SMOC2: variants seen among roughly 807,000 people sequenced by gnomAD.
SMOC2 encodes the protein SPARC-related modular calcium-binding protein 2.
In SMOC2, 39 loss-of-function variants were observed where a neutral mutation model predicts 61.4. The ratio of observed to expected loss-of-function variants is 0.64; its 90% CI spans 0.49 to 0.83. SMOC2 has a LOEUF of 0.83. SMOC2 is among the 40% of genes least tolerant of loss of function. The pLI is 0.00. For missense variants in SMOC2, 556 were observed against 592.9 expected (o/e 0.94, Z 0.65); for synonymous variants, 247 against 239.9 (o/e 1.03, Z -0.27).
chr6:168,441,578 G>T, intron 1 of SMOC2, 124 bp downstream of exon 1: 1 of 1,288,322 alleles, frequency 7.8e-7, no homozygotes, highest in African/African-American at 1.6e-5. Context: ...TGGCCCCGGG[G>T]GCCGTGGAGC....
intron 7 of SMOC2, among the ~76,000 whole-genome samples, chr6:168,554,799 G>A (rs1033796413): frequency 6.6e-6 from 1 of 152,230 alleles, no homozygotes; most frequent in Non-Finnish European, 1.5e-5. Context: ...GCCACGTGGG[G>A]AGATGGTCAG....
chr6:168,647,524 C>G (rs912823043), intron 9 of SMOC2, among the ~76,000 whole-genome samples: 4 of 152,210 alleles, frequency 2.6e-5, no homozygotes, highest in Non-Finnish European at 5.9e-5. Context: ...ATCACCGTGC[C>G]GGACACAGCT....
chr6:168,453,214 G>A lies in SMOC2; in HGVS notation c.84+11760G>A, dbSNP rs1781504180. On this transcript the variant is annotated intron_variant, in intron 1 of 12. Transcript: ENST00000356284. This position sits in a 1 kb window ranked among gnomAD's most constrained non-coding sequence, Gnocchi z 4.4. The stretch of plus-strand genomic sequence containing the variant: ...GGGTGGCCTGACAAATGCGGGCGGG[G>A]GTGGGGGAGGAACTCGGGACCCAGG... Among the ~76,000 whole-genome samples, 1 of 152,044 alleles carries A rather than the reference G, an allele frequency of 6.6e-6. No individual in the cohort carries two copies. Among genetic ancestry groups the A allele is most frequent in the Non-Finnish European group, 1.5e-5 (1 of 68,008 alleles).
intron 9 of SMOC2, among the ~76,000 whole-genome samples, chr6:168,609,567 CT>C (rs1785800159): frequency 6.6e-6 from 1 of 152,172 alleles, no homozygotes; most frequent in Non-Finnish European, 1.5e-5. Flanking sequence ...TTCCATCCCC[CT>C]GATGGCCCTG....
At chr6:168,481,537 A>G (rs571270422) in intron 1 of SMOC2, among the ~76,000 whole-genome samples, 1 of 152,184 alleles carries the variant, frequency 6.6e-6, no homozygotes, top group South Asian at 2.1e-4. Context: ...GAAGTGAGAA[A>G]GAAATTTAAA....
At chr6:168,549,474 GAGAAA>G (rs542048321) in intron 7 of SMOC2, among the ~76,000 whole-genome samples, 133 of 152,174 alleles carry the variant, frequency 8.7e-4, no homozygotes, top group Non-Finnish European at 1.6e-3. Context: ...TACAAAAATA[GAGAAA>G]AGAAAATTTA....
Position 168,526,348 on chromosome 6 carries a change from G to T in SMOC2, c.259G>T (p.Val87Leu). 1.2e-6 allele frequency: 2 copies of T among 1,613,856 alleles called. No individual in the cohort carries two copies. The highest frequency in any genetic ancestry group is 8.5e-7 in the Non-Finnish European group (1 of 1,179,746). The part of the protein sequence containing the change: ...EIAYRGNCKD[V>L]SRCVAERKYT... ...CTCTGCCCTGTTCTTCCCTACAGAC[G>T]TGTCCAGGTGTGTGGCCGAAAGGAA... Residue 87 changes from valine to leucine, a missense_variant and splice_region_variant, in exon 3 of 13, where the codon GTG becomes TTG. Coordinates refer to ENST00000356284, the MANE Select transcript of SMOC2 (RefSeq NM_001166412.2).
Position 168,666,974 on chromosome 6 carries a change from T to C in SMOC2, c.*536T>C, listed in dbSNP as rs1787677614. Reference sequence around the variant, plus strand: ...CCAGAGATCTTGCTCATACAATGAATCACGCAACCACTAAAGCTATCCAGT... The same window carrying C: ...CCAGAGATCTTGCTCATACAATGAACCACGCAACCACTAAAGCTATCCAGT... On this transcript the variant is annotated 3_prime_UTR_variant, in exon 13 of 13. Transcript: ENST00000356284. 6.5e-6 allele frequency: 1 copy of C among 153,006 alleles called. No individual in the cohort carries two copies. Among genetic ancestry groups the C allele is most frequent in the Non-Finnish European group, 1.5e-5 (1 of 68,602 alleles). The allele number at this position is 153,006 out of a possible 1,614,324, so 9.5% of individuals were successfully genotyped here.
intron 1 of SMOC2, among the ~76,000 whole-genome samples, chr6:168,479,653 C>T (rs1337655240): frequency 1.3e-5 from 2 of 152,230 alleles, no homozygotes; most frequent in East Asian, 3.8e-4. Flanking sequence ...GCACATGTTC[C>T]TGGAACAGGC....
chr6:168,551,536 C>T (rs1583102739), intron 7 of SMOC2, among the ~76,000 whole-genome samples: 1 of 152,094 alleles, frequency 6.6e-6, no homozygotes, highest in Admixed American at 6.5e-5. Context: ...TCACTGTAAC[C>T]TCCGCCTCCC....
chr6:168,605,233 G>A (rs975774417), intron 8 of SMOC2, among the ~76,000 whole-genome samples: 4 of 152,020 alleles, frequency 2.6e-5, no homozygotes, highest in African/African-American at 9.7e-5. Context: ...CTCTGTTCCT[G>A]GACCCCAGAG....
chr6:168,602,521 C>T lies in SMOC2; in HGVS notation c.824+3517C>T, dbSNP rs563438531. Among the ~76,000 whole-genome samples the T allele has an allele frequency of 2.6e-5, 4 of 152,288 alleles. No homozygotes were observed. The East Asian group carries it at 7.7e-4, about 29-fold the overall frequency. On this transcript the variant is annotated intron_variant, in intron 8 of 12. Coordinates refer to ENST00000356284, the MANE Select transcript of SMOC2 (RefSeq NM_001166412.2). ...TAATTGGCCGGAATATCACTGAACGCCCAGACCCAGACCTGCCTTGGACTG... is the reference window on the plus strand; with the variant it reads ...TAATTGGCCGGAATATCACTGAACGTCCAGACCCAGACCTGCCTTGGACTG...
At chr6:168,462,567 T>C (rs971451387) in intron 1 of SMOC2, among the ~76,000 whole-genome samples, 1 of 152,158 alleles carries the variant, frequency 6.6e-6, no homozygotes, top group African/African-American at 2.4e-5. Flanking sequence ...GGTGCTGGAA[T>C]TCCCAGATGT....
intron 1 of SMOC2, among the ~76,000 whole-genome samples, chr6:168,443,119 G>A (rs372041819): frequency 2.0e-5 from 3 of 152,218 alleles, no homozygotes; most frequent in African/African-American, 7.2e-5. Flanking sequence ...CAGGACTGTA[G>A]CAGCAGGTAC....
At chr6:168,477,581 T>C (rs1298374793) in intron 1 of SMOC2, among the ~76,000 whole-genome samples, 1 of 152,156 alleles carries the variant, frequency 6.6e-6, no homozygotes, top group Non-Finnish European at 1.5e-5. Context: ...ACAGCTCAAG[T>C]CCTAAACGGA....
At chr6:168,638,131 G>A (rs978930221) in intron 9 of SMOC2, among the ~76,000 whole-genome samples, 3 of 149,124 alleles carry the variant, frequency 2.0e-5, no homozygotes, top group African/African-American at 4.9e-5. Context: ...CCACACACTC[G>A]CTGGCCAGCC....
chr6:168,529,227 G>A (rs1410823349), intron 4 of SMOC2, among the ~76,000 whole-genome samples: 3 of 152,022 alleles, frequency 2.0e-5, no homozygotes, highest in African/African-American at 4.8e-5. Flanking sequence ...AACTGCCTAC[G>A]TGGAACGTTT....
Position 168,664,111 on chromosome 6 carries a change from GGTAA to G in SMOC2, c.1323+4_1323+7del. ...ATGCTGAAAGTACGTCTAATAGACA[GGTAA>G]GTATGTTTATATTTTACTCTTAACC... On this transcript the variant is annotated splice_donor_variant and splice_donor_region_variant and intron_variant, in intron 12 of 12. Transcript: ENST00000356284. LOFTEE classifies it high-confidence loss of function. 1.2e-6 allele frequency: 2 copies of G among 1,601,754 alleles called. No homozygotes were observed. Among genetic ancestry groups the G allele is most frequent in the East Asian group, 2.2e-5 (1 of 44,806 alleles).
chr6:168,645,119 G>T (rs1170690943), intron 9 of SMOC2, among the ~76,000 whole-genome samples: 1 of 152,160 alleles, frequency 6.6e-6, no homozygotes, highest in East Asian at 1.9e-4. Context: ...GACAAAACTG[G>T]ATTTAATCGC....
Sources: gnomAD v4.1 joint callset for allele counts (sites outside exome capture counted in the v4.1 genomes callset) on GRCh38, gnomAD v4.1.1 for gene constraint, Gnocchi (gnomAD v3.1) non-coding constraint, MANE v1.5 for transcripts, NCBI Gene and HGNC (gene_info 2026-07-23, HGNC 2026-07-21) for gene names.